SNTB1: variants seen among roughly 807,000 people sequenced by gnomAD.
SNTB1 encodes the protein beta-1-syntrophin.
In SNTB1, 36 loss-of-function variants were observed where a neutral mutation model predicts 48.9. The observed-to-expected ratio is 0.74, with a 90% CI of 0.56 to 0.97. SNTB1 has a LOEUF of 0.97. SNTB1 is among the 50% of genes least tolerant of loss of function. SNTB1 has a pLI of 0.00. For missense variants in SNTB1, 786 were observed against 703.4 expected (o/e 1.12, Z -1.33); for synonymous variants, 299 against 294.6 (o/e 1.01, Z -0.15).
rs1459557424 is a variant in SNTB1, at chr8:120,698,331, T to C, written c.572-4423A>G. On this transcript the variant is annotated intron_variant, in intron 1 of 6. Transcript: ENST00000517992. ...AATGAGTCTTGAAATCTCCAGAAAA[T>C]AAATTTTCAATTTCAAGGAATTAAA... Among the ~76,000 whole-genome samples the C allele has an allele frequency of 2.0e-5, 3 of 152,120 alleles. No homozygotes were observed. In the East Asian group the frequency reaches 5.8e-4, roughly 29 times the overall value.
chr8:120,710,350 A>G (rs1031722498), intron 1 of SNTB1, among the ~76,000 whole-genome samples: 5 of 152,210 alleles, frequency 3.3e-5, no homozygotes, highest in Non-Finnish European at 7.3e-5. Context: ...ACAGACTTTG[A>G]GTCAGATCAA....
At chr8:120,638,106 G>C (rs1817113891) in intron 2 of SNTB1, 1 of 153,080 alleles carries the variant, frequency 6.5e-6, no homozygotes, top group Non-Finnish European at 1.5e-5. Flanking sequence ...AAGGAACCAG[G>C]GATATTGGGG....
intron 1 of SNTB1, among the ~76,000 whole-genome samples, chr8:120,694,223 G>C (rs574614928): frequency 6.6e-6 from 1 of 152,202 alleles, no homozygotes; most frequent in South Asian, 2.1e-4. Context: ...TGAAAACATG[G>C]GCAGAGAGTG....
chr8:120,716,144 A>G (rs12542405), intron 1 of SNTB1, among the ~76,000 whole-genome samples: 15,945 of 152,250 alleles, frequency 0.1, 1,022 homozygotes, highest in East Asian at 0.21. Context: ...CATAGTTGGT[A>G]GTCAATAAAT....
intron 4 of SNTB1, among the ~76,000 whole-genome samples, chr8:120,568,016 G>A (rs1400368262): frequency 6.6e-6 from 1 of 152,192 alleles, no homozygotes. Flanking sequence ...GTATATGGCT[G>A]TATAGAATGC....
intron 1 of SNTB1, among the ~76,000 whole-genome samples, chr8:120,778,782 G>T (rs1405987198): frequency 6.6e-6 from 1 of 152,138 alleles, no homozygotes; most frequent in East Asian, 1.9e-4. Context: ...TGAATAAAAT[G>T]TCTCAGAATC....
chr8:120,690,250 G>T (rs973615468), intron 2 of SNTB1, among the ~76,000 whole-genome samples: 5 of 152,046 alleles, frequency 3.3e-5, no homozygotes, highest in Admixed American at 1.3e-4. Flanking sequence ...CACAGTTATA[G>T]AGGAGTCAGT....
At chr8:120,649,456 G>A (rs1340345384) in intron 2 of SNTB1, among the ~76,000 whole-genome samples, 13 of 138,640 alleles carry the variant, frequency 9.4e-5, no homozygotes, top group South Asian at 2.6e-4. Flanking sequence ...CCTGCTGGGG[G>A]GTGCCTCCCA....
chr8:120,796,389 T>C (rs1820119734), intron 1 of SNTB1, among the ~76,000 whole-genome samples: 1 of 152,050 alleles, frequency 6.6e-6, no homozygotes, highest in Non-Finnish European at 1.5e-5. Context: ...TAAGATCGCA[T>C]GTGAGGTACT....
Position 120,811,632 on chromosome 8 carries a change from C to G in SNTB1, c.212G>C (p.Gly71Ala). The change falls in exon 1 of 7, where the codon GGC (glycine) becomes GCC (alanine). Residue 71 changes from glycine to alanine, a missense_variant. Gly to Ala is a moderately conservative substitution (Grantham distance 60). Transcript: ENST00000517992. ...GTATNGSFCR[G>A]AGAGHPGAGG... ...CGCGCCCGGGTGCCCAGCCCCGGCG[C>G]CCCTGCAGAACGAGCCATTGGTGGC... The G allele has an allele frequency of 6.3e-7, 1 of 1,593,524 alleles. No individual in the cohort carries two copies. Among genetic ancestry groups the G allele is most frequent in the Non-Finnish European group, 8.5e-7 (1 of 1,173,560 alleles).
chr8:120,792,462 A>G (rs1820053113), intron 1 of SNTB1, among the ~76,000 whole-genome samples: 1 of 151,974 alleles, frequency 6.6e-6, no homozygotes, highest in Non-Finnish European at 1.5e-5. Flanking sequence ...ATTCATCCAT[A>G]TAACAAAAAT....
At chr8:120,655,380 T>C (rs1287508881) in intron 2 of SNTB1, among the ~76,000 whole-genome samples, 1 of 152,184 alleles carries the variant, frequency 6.6e-6, no homozygotes, top group Non-Finnish European at 1.5e-5. Context: ...TAAGGATAAG[T>C]ACTTGTTCCA....
chr8:120,783,185 A>G (rs1193670805), intron 1 of SNTB1, among the ~76,000 whole-genome samples: 1 of 150,418 alleles, frequency 6.6e-6, no homozygotes, highest in Non-Finnish European at 1.5e-5. Flanking sequence ...ATTATATATC[A>G]CTGATATTTT....
chr8:120,596,562 T>C (rs1233548961), intron 3 of SNTB1, among the ~76,000 whole-genome samples: 2 of 152,208 alleles, frequency 1.3e-5, no homozygotes, highest in African/African-American at 4.8e-5. Context: ...GAGGAGAATC[T>C]GTTTCCTGGC....
At chr8:120,763,024 A>G (rs1819448860) in intron 1 of SNTB1, among the ~76,000 whole-genome samples, 1 of 152,186 alleles carries the variant, frequency 6.6e-6, no homozygotes, top group South Asian at 2.1e-4. Flanking sequence ...CCAGGCACAG[A>G]ATTGGATCTG....
intron 5 of SNTB1, 47 bp from the exon 6 acceptor site, chr8:120,542,047 A>T: frequency 1.3e-6 from 2 of 1,494,944 alleles, no homozygotes; most frequent in Non-Finnish European, 1.8e-6. Context: ...AACCATGGCA[A>T]TCAATCCATT....
chr8:120,803,172 A>G (rs1327546213), intron 1 of SNTB1, among the ~76,000 whole-genome samples: 1 of 152,218 alleles, frequency 6.6e-6, no homozygotes, highest in African/African-American at 2.4e-5. Flanking sequence ...GCTTCAAACC[A>G]CAGGTAGATG....
intron 4 of SNTB1, among the ~76,000 whole-genome samples, chr8:120,552,044 G>A (rs527635514): frequency 3.3e-5 from 5 of 152,138 alleles, no homozygotes; most frequent in African/African-American, 9.6e-5. Flanking sequence ...ACTCTGTCAC[G>A]ATCCAGAGCC....
At chr8:120,661,696 G>A (rs779457091) in intron 2 of SNTB1, among the ~76,000 whole-genome samples, 6 of 152,054 alleles carry the variant, frequency 3.9e-5, no homozygotes, top group Non-Finnish European at 8.8e-5. Flanking sequence ...CCCTCCCTGT[G>A]TCCATGTGAT....
Sources: gnomAD v4.1 joint callset for allele counts (sites outside exome capture counted in the v4.1 genomes callset) on GRCh38, gnomAD v4.1.1 for gene constraint, MANE v1.5 for transcripts, NCBI Gene and HGNC (gene_info 2026-07-23, HGNC 2026-07-21) for gene names.